FAM20A: variants seen among roughly 807,000 people sequenced by gnomAD.
The protein encoded by FAM20A is FAM20A golgi associated secretory pathway pseudokinase.
Under a neutral mutation model 52.0 loss-of-function variants are expected in FAM20A, and 42 were observed. The ratio of observed to expected loss-of-function variants is 0.81; its 90% CI spans 0.63 to 1.04. The LOEUF (loss-of-function observed/expected upper bound fraction) is 1.04, where lower values mean the gene tolerates loss of function less well. Ranked by LOEUF, FAM20A falls within the 50% of genes least tolerant of loss-of-function variation. The pLI, the probability that FAM20A is intolerant of heterozygous loss-of-function variation, is 0.00. For synonymous variants in FAM20A, 304 were observed against 298.9 expected (o/e 1.02, Z -0.18); for missense variants, 742 against 712.7 (o/e 1.04, Z -0.47).
Position 68,600,273 on chromosome 17 carries a change from G to C in FAM20A, c.394C>G (p.Arg132Gly), listed in dbSNP as rs763798560. Residue 132 changes from arginine to glycine, a missense_variant, in exon 1 of 11, where the codon CGC becomes GGC. Coordinates refer to ENST00000592554, the MANE Select transcript of FAM20A (RefSeq NM_017565.4). The surrounding 1 kb of genome is among the most constrained non-coding windows in gnomAD (Gnocchi z 6.2). ...ALRYYRRKVA[R>G]WNRRHKMYRE... ...GGGCGGGGTCCTCACCTGTTCCAGC[G>C]GGCCACCTTCCTCCGGTAATACCGC... 1.3e-6 allele frequency: 2 copies of C among 1,566,950 alleles called. No individual in the cohort carries two copies. Among genetic ancestry groups the C allele is most frequent in the Non-Finnish European group, 1.7e-6 (2 of 1,156,476 alleles).
At chr17:68,556,101 C>T (rs1475483016) in intron 1 of FAM20A, among the ~76,000 whole-genome samples, 1 of 152,136 alleles carries the variant, frequency 6.6e-6, no homozygotes, top group Non-Finnish European at 1.5e-5. Flanking sequence ...GACTGTGGGC[C>T]TCTTTATGCA....
chr17:68,554,844 G>A lies in FAM20A; in HGVS notation c.590-17C>T. On this transcript the variant is annotated splice_polypyrimidine_tract_variant and intron_variant, in intron 2 of 10. Transcript: ENST00000592554. ...GACTGTAATCTGCAAAGGAGGAGAA[G>A]GGCAATGAGAACTTCCAGTCTTGTT... 2 of 1,613,938 alleles carry A rather than the reference G, an allele frequency of 1.2e-6. No individual in the cohort carries two copies. Among genetic ancestry groups the A allele is most frequent in the Non-Finnish European group, 1.7e-6 (2 of 1,179,848 alleles).
chr17:68,581,396 TTCTTTCTTTC>T (rs1295905106), intron 1 of FAM20A, among the ~76,000 whole-genome samples: 1 of 147,626 alleles, frequency 6.8e-6, no homozygotes, highest in Non-Finnish European at 1.5e-5. Flanking sequence ...CTTTCTTTCT[TTCTTTCTTTC>T]TTTCTTTCTT....
intron 1 of FAM20A, among the ~76,000 whole-genome samples, chr17:68,563,605 T>A (rs912692072): frequency 4.0e-5 from 6 of 151,852 alleles, no homozygotes; most frequent in Admixed American, 3.9e-4. Flanking sequence ...ACAAAACCAC[T>A]TCCCTAAGAT....
At chr17:68,562,618 C>CT (rs929063347) in intron 1 of FAM20A, among the ~76,000 whole-genome samples, 1 of 151,952 alleles carries the variant, frequency 6.6e-6, no homozygotes, top group East Asian at 1.9e-4. Context: ...CCATCCCCCC[C>CT]CCTTTTTATT....
chr17:68,586,013 C>A (rs1274325031), intron 1 of FAM20A, among the ~76,000 whole-genome samples: 1 of 152,168 alleles, frequency 6.6e-6, no homozygotes, highest in Non-Finnish European at 1.5e-5. Flanking sequence ...TCCTGGGTCA[C>A]TGGCTGCTTT....
rs1356195782 is a variant in FAM20A, at chr17:68,576,717, A to G, written c.405-20974T>C. Among the ~76,000 whole-genome samples the G allele has an allele frequency of 2.0e-5, 3 of 152,204 alleles. No homozygotes were observed. The East Asian group carries it at 5.8e-4, about 29-fold the overall frequency. On this transcript the variant is annotated intron_variant, in intron 1 of 10. Coordinates refer to ENST00000592554, the MANE Select transcript of FAM20A (RefSeq NM_017565.4). ...GACAAAACGACTTGCTTAACTGATG[A>G]GCAAATCTGAGAAAAAATTAGGAAT...
In FAM20A at chr17:68,600,534, G is replaced by A. The variant is rs555358249; in HGVS notation, c.133C>T (p.Pro45Ser). 7.0e-5 allele frequency: 109 copies of A among 1,563,946 alleles called. No homozygotes were observed. Among genetic ancestry groups the A allele is most frequent in the Admixed American group, 4.6e-4 (24 of 52,346 alleles). ...AGGGAGGAGGCGCGGCCGGTGCACG[G>A]GCACCCCCGCGGGCGCTCCCGAGGC... ...LRPRERPRGC[P>S]CTGRASSLAR... is the part of the protein sequence containing the mutation. The change falls in exon 1 of 11, where the codon CCG (proline) becomes TCG (serine). Residue 45 changes from proline (P) to serine (S), a missense_variant. Coordinates refer to ENST00000592554, the MANE Select transcript of FAM20A (RefSeq NM_017565.4). The surrounding 1 kb of genome is among the most constrained non-coding windows in gnomAD (Gnocchi z 6.2).
At position 68,600,618 on chromosome 17, in the gene FAM20A, C is replaced by T. The variant is rs1245877585; in HGVS notation, c.49G>A (p.Ala17Thr). 1 of 1,562,856 alleles carries T rather than the reference C, an allele frequency of 6.4e-7. No individual in the cohort carries two copies. The highest frequency in any genetic ancestry group is 8.6e-7 in the Non-Finnish European group (1 of 1,158,692). The change falls in exon 1 of 11, where the codon GCG becomes ACG. Residue 17 changes from alanine to threonine, a missense_variant. Ala to Thr is a moderately conservative substitution (Grantham distance 58, BLOSUM62 0). Transcript: ENST00000592554. This position sits in a 1 kb window ranked among gnomAD's most constrained non-coding sequence, Gnocchi z 6.2. The part of the protein sequence containing the change: ...DRLLTLLLLG[A>T]LLSADLYFHL... ...AAGTAGAGGTCGGCGGAGAGCAGCG[C>T]GCCCAGCAGCAGCAGAGTCAGTAGG...
chr17:68,560,198 C>T (rs1324773309), intron 1 of FAM20A, among the ~76,000 whole-genome samples: 3 of 152,022 alleles, frequency 2.0e-5, no homozygotes, highest in Non-Finnish European at 4.4e-5. Flanking sequence ...TGCCAAAGTG[C>T]TGGGGTTATG....
intron 9 of FAM20A, 95 bp downstream of exon 9, chr17:68,539,790 C>G: frequency 8.4e-7 from 1 of 1,184,094 alleles, no homozygotes; most frequent in South Asian, 1.3e-5. Flanking sequence ...GGTGGAGGCC[C>G]TCATTTGCAG....
intron 1 of FAM20A, among the ~76,000 whole-genome samples, chr17:68,568,336 T>C (rs926091152): frequency 6.6e-5 from 10 of 151,532 alleles, no homozygotes; most frequent in East Asian, 1.9e-4. Flanking sequence ...GGCGTGGTGG[T>C]GGGCGCCTGT....
chr17:68,540,005 C>G lies in FAM20A; in HGVS notation c.1220-39G>C, dbSNP rs549931607. ...GAGGACTTAGCTGGAACCAGCAGGC[C>G]AGGGGGACAGGTGCTCCTGACCTGA... On this transcript the variant is annotated intron_variant, in intron 8 of 10. Coordinates refer to ENST00000592554, the MANE Select transcript of FAM20A (RefSeq NM_017565.4). 4 of 1,574,688 alleles carry G rather than the reference C, an allele frequency of 2.5e-6. No individual in the cohort carries two copies. The African/African-American group carries it at 5.4e-5, about 21-fold the overall frequency.
At position 68,548,347 on chromosome 17, in the gene FAM20A, C is replaced by T. The variant is rs140571148; in HGVS notation, c.719+3526G>A. 5.2e-3 allele frequency among the ~76,000 whole-genome samples: 792 copies of T among 152,164 alleles called. 6 individuals carry two copies. Among genetic ancestry groups the T allele is most frequent in the African/African-American group, 0.018 (731 of 41,474 alleles). On this transcript the variant is annotated intron_variant, in intron 4 of 10. Transcript: ENST00000592554. ...GAGTTCGAGACCAGCCTGGCCAACACGGTGAAACCCCGTCTCTACTAAAAA... is the reference window on the plus strand; with the variant it reads ...GAGTTCGAGACCAGCCTGGCCAACATGGTGAAACCCCGTCTCTACTAAAAA...
At chr17:68,584,420 G>A (rs1459033856) in intron 1 of FAM20A, among the ~76,000 whole-genome samples, 1 of 152,152 alleles carries the variant, frequency 6.6e-6, no homozygotes, top group African/African-American at 2.4e-5. Flanking sequence ...TACACAAAAA[G>A]GCATTAAGTG....
chr17:68,541,319 C>T (rs1163000260), intron 7 of FAM20A: 1 of 301,938 alleles, frequency 3.3e-6, no homozygotes, highest in Non-Finnish European at 6.5e-6. Context: ...CTCATAGCAC[C>T]TCCATGGGCT....
chr17:68,569,823 C>T (rs1361056803), intron 1 of FAM20A, among the ~76,000 whole-genome samples: 2 of 152,194 alleles, frequency 1.3e-5, no homozygotes, highest in African/African-American at 2.4e-5. Context: ...CTCATCTTTG[C>T]CTCCTCGTTT....
intron 3 of FAM20A, among the ~76,000 whole-genome samples, chr17:68,553,492 G>A (rs2086935521): frequency 6.6e-6 from 1 of 152,158 alleles, no homozygotes; most frequent in African/African-American, 2.4e-5. Flanking sequence ...CTCATGGCTG[G>A]TGATGACTGG....
At chr17:68,566,523 A>G (rs1434708634) in intron 1 of FAM20A, among the ~76,000 whole-genome samples, 1 of 152,226 alleles carries the variant, frequency 6.6e-6, no homozygotes, top group East Asian at 1.9e-4. Context: ...AGTTGTGTAC[A>G]AAGAAAACTT....
Sources: allele counts gnomAD v4.1 joint callset (sites outside exome capture counted in the v4.1 genomes callset), GRCh38; gene constraint gnomAD v4.1.1; non-coding constraint Gnocchi (gnomAD v3.1); transcripts MANE v1.5; gene names NCBI Gene and HGNC (gene_info 2026-07-23, HGNC 2026-07-21).